The following FAAH2 variants were observed in gnomAD, a reference collection of about 807,000 sequenced individuals.
FAAH2 encodes fatty acid amide hydrolase 2.
FAAH2 carries 60 observed loss-of-function variants against 36.9 expected under a neutral mutation model. That is an observed-to-expected ratio of 1.63 (90% CI 1.32 to 2.02). The LOEUF (loss-of-function observed/expected upper bound fraction) is 2.02, where lower values mean the gene tolerates loss of function less well. Ranked by LOEUF, FAAH2 falls within the 30% of genes most tolerant of loss-of-function variation. The pLI is 0.00. For synonymous variants in FAAH2, 214 were observed against 143.8 expected, an observed-to-expected ratio of 1.49 and a Z score of -3.49; for missense variants, 689 against 397.5, an observed-to-expected ratio of 1.73 and a Z score of -6.23.
At chrX:57,272,110 A>G in the FAAH2 span, among the ~76,000 whole-genome samples, 3 of 108,298 alleles carry the variant, frequency 2.8e-5, no homozygotes, top group African/African-American at 3.4e-5. Flanking sequence ...AGAATATACA[A>G]GTATCAATAG....
chrX:57,247,672 G>T, the FAAH2 span, among the ~76,000 whole-genome samples: 1 of 111,891 alleles, frequency 8.9e-6, no homozygotes, highest in Non-Finnish European at 1.9e-5. Flanking sequence ...TGTATTCCAG[G>T]CTGTAAGACA....
chrX:57,312,899 G>A (rs1326490463), intron 3 of FAAH2, among the ~76,000 whole-genome samples: 3 of 111,683 alleles, frequency 2.7e-5, no homozygotes, highest in African/African-American at 9.8e-5. Flanking sequence ...TGAAATGACT[G>A]AGATGACACA....
the FAAH2 span, among the ~76,000 whole-genome samples, chrX:57,207,333 C>T: frequency 9.0e-6 from 1 of 111,501 alleles, no homozygotes; most frequent in East Asian, 2.8e-4. Context: ...TGGTATATTT[C>T]AGGGGCTTTA....
chrX:57,240,801 G>A, the FAAH2 span, among the ~76,000 whole-genome samples: 1 of 112,111 alleles, frequency 8.9e-6, no homozygotes, highest in Non-Finnish European at 1.9e-5. Context: ...TTGGCTGCTG[G>A]GAAATGCCTC....
chrX:57,304,318 G>T (rs1264734560), intron 2 of FAAH2, among the ~76,000 whole-genome samples: 1 of 112,473 alleles, frequency 8.9e-6, no homozygotes, highest in Non-Finnish European at 1.9e-5. Flanking sequence ...ATGACTGAAA[G>T]CAATACGGAA....
chrX:57,289,129 T>C (rs887192827), intron 1 of FAAH2, among the ~76,000 whole-genome samples: 1 of 112,187 alleles, frequency 8.9e-6, no homozygotes, highest in Admixed American at 9.4e-5. Context: ...ATCATCATCT[T>C]ACAGAGAAGG....
At chrX:57,419,075 C>T (rs1193251148) in intron 7 of FAAH2, among the ~76,000 whole-genome samples, 1 of 107,153 alleles carries the variant, frequency 9.3e-6, no homozygotes, top group East Asian at 2.9e-4. Flanking sequence ...GCATAGTATT[C>T]CATGGTGTAT....
chrX:57,375,714 G>A (rs1323412495), intron 5 of FAAH2, among the ~76,000 whole-genome samples: 1 of 111,382 alleles, frequency 9.0e-6, no homozygotes, highest in Non-Finnish European at 1.9e-5. Flanking sequence ...TCTGTTTGCA[G>A]AAAGCCTTGA....
the FAAH2 span, among the ~76,000 whole-genome samples, chrX:57,162,012 C>T: frequency 2.3e-4 from 26 of 111,960 alleles, no homozygotes; most frequent in Middle Eastern, 0.018. Flanking sequence ...TTGTTCCTTT[C>T]CATATTTAGT....
At chrX:57,479,457 G>T (rs1438476430) in intron 10 of FAAH2, among the ~76,000 whole-genome samples, 35 of 111,190 alleles carry the variant, frequency 3.1e-4, no homozygotes, top group Admixed American at 3.1e-3. Flanking sequence ...TGACTTCCTC[G>T]TTTCCTAATT....
At chrX:57,369,201 G>A (rs970497561) in intron 5 of FAAH2, among the ~76,000 whole-genome samples, 3 of 109,806 alleles carry the variant, frequency 2.7e-5, no homozygotes, top group African/African-American at 1.0e-4. Context: ...ATGTAAAAGA[G>A]CAAATAATGT....
At chrX:57,150,329 C>G in the FAAH2 span, among the ~76,000 whole-genome samples, 1 of 111,655 alleles carries the variant, frequency 9.0e-6, no homozygotes, top group East Asian at 2.8e-4. Context: ...AACTTTCTGT[C>G]TCATTGATCT....
At chrX:57,396,695 G>A (rs1006733374) in intron 7 of FAAH2, among the ~76,000 whole-genome samples, 1 of 111,770 alleles carries the variant, frequency 8.9e-6, no homozygotes, top group African/African-American at 3.2e-5. Context: ...GGTCCAATTA[G>A]ATACTTGATA....
the FAAH2 span, among the ~76,000 whole-genome samples, chrX:57,278,055 C>A: frequency 9.0e-6 from 1 of 111,645 alleles, no homozygotes; most frequent in African/African-American, 3.3e-5. Flanking sequence ...ACTTTCTTCA[C>A]AGAATTGGAA....
At chrX:57,435,392 GAGAT>G (rs1196379525) in intron 8 of FAAH2, among the ~76,000 whole-genome samples, 4 of 111,040 alleles carry the variant, frequency 3.6e-5, no homozygotes, top group Non-Finnish European at 7.6e-5. Context: ...CTTCTAAAGA[GAGAT>G]AGATTGGCAG....
intron 7 of FAAH2, among the ~76,000 whole-genome samples, chrX:57,404,381 C>T (rs944284724): frequency 1.8e-5 from 2 of 111,999 alleles, no homozygotes; most frequent in Non-Finnish European, 3.8e-5. Context: ...TCGCTCATTG[C>T]CCCCATTTGC....
intron 3 of FAAH2, among the ~76,000 whole-genome samples, chrX:57,322,315 T>C (rs2053052725): frequency 8.9e-6 from 1 of 112,031 alleles, no homozygotes; most frequent in African/African-American, 3.2e-5. Context: ...TAAAGAATAT[T>C]TGATGTAGGT....
At chrX:57,290,128 G>C (rs1359840673) in intron 1 of FAAH2, 3 of 184,068 alleles carry the variant, frequency 1.6e-5, no homozygotes, top group African/African-American at 9.5e-5. Context: ...TATATATAAA[G>C]TTCTTGGCAT....
chrX:57,265,697 T>C, the FAAH2 span, among the ~76,000 whole-genome samples: 6 of 112,054 alleles, frequency 5.4e-5, no homozygotes, highest in Non-Finnish European at 1.1e-4. Context: ...TAAAATTCCA[T>C]GGGAAAGAGC....
Sources: allele counts gnomAD v4.1 joint callset (sites outside exome capture counted in the v4.1 genomes callset), GRCh38; gene constraint gnomAD v4.1.1; transcripts MANE v1.5; gene names NCBI Gene and HGNC (gene_info 2026-07-23, HGNC 2026-07-21).